DMD: variants seen among roughly 807,000 people sequenced by gnomAD.
The protein encoded by DMD is dystrophin.
Under a neutral mutation model 330.1 loss-of-function variants are expected in DMD, and 63 were observed. The ratio of observed to expected loss-of-function variants is 0.19; its 90% CI spans 0.16 to 0.24. The LOEUF (loss-of-function observed/expected upper bound fraction) is 0.24. DMD is among the 10% of genes least tolerant of loss of function. DMD has a pLI of 1.00. For missense variants in DMD, 3,344 were observed against 2,684.1 expected, an observed-to-expected ratio of 1.25 and a Z score of -5.43; for synonymous variants, 1,223 against 959.8, an observed-to-expected ratio of 1.27 and a Z score of -5.07.
At chrX:31,748,173 T>C (rs112134105) in intron 51 of DMD, among the ~76,000 whole-genome samples, 6 of 112,145 alleles carry the variant, frequency 5.4e-5, no homozygotes, top group African/African-American at 1.9e-4. Context: ...GTAGACAGAA[T>C]AGGTGTTACT....
At chrX:32,784,799 T>C (rs1391999673) in intron 7 of DMD, among the ~76,000 whole-genome samples, 1 of 111,708 alleles carries the variant, frequency 9.0e-6, no homozygotes, top group East Asian at 2.8e-4. Context: ...ATGAAAAACA[T>C]GCTCTGTACT....
intron 50 of DMD, among the ~76,000 whole-genome samples, chrX:31,787,494 ATAAAG>A (rs1173622132): frequency 8.9e-6 from 1 of 112,520 alleles, no homozygotes; most frequent in Non-Finnish European, 1.9e-5. Context: ...TTAAGGGCTT[ATAAAG>A]TAGTTTTACA....
intron 55 of DMD, among the ~76,000 whole-genome samples, chrX:31,609,188 C>A (rs1204564336): frequency 9.0e-6 from 1 of 111,007 alleles, no homozygotes; most frequent in Non-Finnish European, 1.9e-5. Flanking sequence ...TTACTGGAGG[C>A]AATCCTTTAA....
chrX:31,240,348 A>T (rs1388757900), intron 63 of DMD, among the ~76,000 whole-genome samples: 1 of 112,448 alleles, frequency 8.9e-6, no homozygotes, highest in Admixed American at 9.4e-5. Flanking sequence ...AGCAAACATA[A>T]AAACTATACT....
In DMD at chrX:31,170,818, G is replaced by C. The variant is rs145376297; in HGVS notation, c.10395-1217C>G. ...AATGGATTTTATGTCCTCAGAATAA[G>C]CTAAAGCTTATTTTAAAATAAAACA... On this transcript the variant is annotated intron_variant, in intron 73 of 78. Coordinates refer to ENST00000357033, the MANE Select transcript of DMD (RefSeq NM_004006.3). Among the ~76,000 whole-genome samples, 216 of 111,674 alleles carry C rather than the reference G, an allele frequency of 1.9e-3. 1 individual carries two copies. Among genetic ancestry groups the C allele is most frequent in the African/African-American group, 6.6e-3 (202 of 30,798 alleles).
At chrX:33,237,148 G>A (rs968261461) in intron 1 of DMD, among the ~76,000 whole-genome samples, 5 of 107,760 alleles carry the variant, frequency 4.6e-5, no homozygotes, top group South Asian at 4.1e-4. Flanking sequence ...AATATAAAAC[G>A]CACGCCATTG....
chrX:31,121,663 T>TGCCA lies in DMD; in HGVS notation c.*252_*255dup. The TGCCA allele has an allele frequency of 2.3e-6, 1 of 436,411 alleles. No individual in the cohort carries two copies. Among genetic ancestry groups the TGCCA allele is most frequent in the Non-Finnish European group, 4.0e-6 (1 of 252,551 alleles). The allele number at this position is 436,411 out of a possible 1,213,427, so 36.0% of individuals were successfully genotyped here. ...TACAATTGCATAGACGTGTAAAACC[T>TGCCA]GCCATTGTTAACAAAACAATAACAG... is the stretch of plus-strand genomic sequence containing the variant. On this transcript the variant is annotated 3_prime_UTR_variant, in exon 79 of 79. Coordinates refer to ENST00000357033, the MANE Select transcript of DMD (RefSeq NM_004006.3).
intron 17 of DMD, among the ~76,000 whole-genome samples, chrX:32,524,171 A>T (rs903433194): frequency 2.7e-5 from 3 of 110,523 alleles, no homozygotes; most frequent in African/African-American, 6.6e-5. Context: ...CCTGACCTCT[A>T]GATCCGCCCG....
intron 29 of DMD, among the ~76,000 whole-genome samples, chrX:32,415,785 A>G (rs1264723912): frequency 8.9e-6 from 1 of 112,344 alleles, no homozygotes; most frequent in Non-Finnish European, 1.9e-5. Flanking sequence ...ATAGAAAACA[A>G]TCCTAGTAAT....
intron 44 of DMD, among the ~76,000 whole-genome samples, chrX:31,988,911 G>A (rs932435851): frequency 1.8e-5 from 2 of 111,254 alleles, no homozygotes; most frequent in Non-Finnish European, 3.8e-5. Context: ...GAAAGCCAAT[G>A]ATGTAGTTCC....
chrX:33,162,235 T>C (rs2048805128), intron 1 of DMD, among the ~76,000 whole-genome samples: 1 of 112,056 alleles, frequency 8.9e-6, no homozygotes, highest in South Asian at 3.7e-4. Flanking sequence ...AAAATAACTG[T>C]GGAAACTTTG....
chrX:32,545,968 G>A (rs951030773), intron 16 of DMD, among the ~76,000 whole-genome samples: 1 of 108,835 alleles, frequency 9.2e-6, no homozygotes, highest in African/African-American at 3.3e-5. Flanking sequence ...ACTCTTGTTT[G>A]ATTTAAATTA....
chrX:31,833,009 T>C (rs1461548923), intron 49 of DMD, among the ~76,000 whole-genome samples: 1 of 111,217 alleles, frequency 9.0e-6, no homozygotes. Flanking sequence ...TTGTTGTTAC[T>C]GATAGCAGTT....
At chrX:31,313,131 A>C in intron 62 of DMD, among the ~76,000 whole-genome samples, 1 of 106,229 alleles carries the variant, frequency 9.4e-6, no homozygotes, top group Middle Eastern at 4.8e-3. Flanking sequence ...ATCTCATTTT[A>C]ATTGATTTAG....
At chrX:32,481,536 T>C (rs953786179) in intron 21 of DMD, among the ~76,000 whole-genome samples, 1 of 111,905 alleles carries the variant, frequency 8.9e-6, no homozygotes, top group Non-Finnish European at 1.9e-5. Context: ...CTTGTCCTAA[T>C]CTTTCATTGA....
chrX:32,887,572 ACC>A (rs1315671793), intron 2 of DMD, among the ~76,000 whole-genome samples: 4 of 104,673 alleles, frequency 3.8e-5, no homozygotes, highest in Non-Finnish European at 7.8e-5. Context: ...ACATGGCGAA[ACC>A]CCGTCTCTAC....
intron 45 of DMD, among the ~76,000 whole-genome samples, chrX:31,942,966 T>C (rs16998242): frequency 0.014 from 1,515 of 112,060 alleles, 28 homozygotes; most frequent in African/African-American, 0.047. Flanking sequence ...CTGTATAAAA[T>C]TAACGAAATT....
At chrX:33,110,374 A>G (rs1293104605) in intron 1 of DMD, among the ~76,000 whole-genome samples, 1 of 111,791 alleles carries the variant, frequency 8.9e-6, no homozygotes, top group Admixed American at 9.6e-5. Flanking sequence ...AACTAAAAGC[A>G]TATAAAAAAC....
At chrX:32,809,829 C>T (rs1156370442) in intron 6 of DMD, among the ~76,000 whole-genome samples, 3 of 100,417 alleles carry the variant, frequency 3.0e-5, no homozygotes, top group African/African-American at 7.4e-5. Context: ...TGCCTGTAAT[C>T]TCAACAATTT....
Sources: allele counts gnomAD v4.1 joint callset (sites outside exome capture counted in the v4.1 genomes callset), GRCh38; gene constraint gnomAD v4.1.1; transcripts MANE v1.5; gene names NCBI Gene and HGNC (gene_info 2026-07-23, HGNC 2026-07-21).